PLCH2: variants seen among roughly 807,000 people sequenced by gnomAD.
PLCH2 encodes phospholipase C eta 2, also known as 1-phosphatidylinositol 4,5-bisphosphate phosphodiesterase eta-2.
A neutral mutation model predicts 134.7 loss-of-function variants in PLCH2; 98 were observed. That is an observed-to-expected ratio of 0.73 (90% confidence interval 0.62 to 0.86). The LOEUF is 0.86. PLCH2 is among the 40% of genes least tolerant of loss of function. The probability of loss-of-function intolerance (pLI) is 0.00; values close to 1 mark genes in which losing one functional copy is unlikely to be tolerated. For missense variants in PLCH2, 1,994 were observed against 1,986.6 expected, an observed-to-expected ratio of 1.00 and a Z score of -0.07; for synonymous variants, 974 against 827.5, an observed-to-expected ratio of 1.18 and a Z score of -3.04.
At chr1:2,443,998 C>G (rs1367447605) in intron 2 of PLCH2, among the ~76,000 whole-genome samples, 1 of 152,160 alleles carries the variant, frequency 6.6e-6, no homozygotes, top group Non-Finnish European at 1.5e-5. Context: ...GCCGCTGCGC[C>G]GCTGCCAACC....
chr1:2,504,567 C>A lies in PLCH2; in HGVS notation c.3605C>A (p.Ser1202Tyr), dbSNP rs763766868. 6.2e-7 allele frequency: 1 copy of A among 1,612,780 alleles called. No homozygotes were observed. Among genetic ancestry groups the A allele is most frequent in the Non-Finnish European group, 8.5e-7 (1 of 1,179,810 alleles). Residue 1202 changes from serine (S) to tyrosine (Y), a missense_variant, in exon 22 of 22, where the codon TCC becomes TAC. Physicochemically the swap from Ser to Tyr is moderately radical, Grantham distance 144. Around this residue, in one of 2 missense-constraint regions of PLCH2, gnomAD observed 900 missense variants for 752.3 expected, o/e 1.20. Coordinates refer to ENST00000378486, the MANE Select transcript of PLCH2 (RefSeq NM_014638.4). ...PDLPPVTKSK[S>Y]NPNLRATGQR... Reference sequence around the variant, plus strand: ...CTGCCACCTGTGACCAAGAGCAAATCCAACCCCAACCTTCGGGCTACAGGC... The same window carrying A: ...CTGCCACCTGTGACCAAGAGCAAATACAACCCCAACCTTCGGGCTACAGGC...
chr1:2,450,408 G>A (rs1570296606), intron 2 of PLCH2, among the ~76,000 whole-genome samples: 1 of 151,970 alleles, frequency 6.6e-6, no homozygotes, highest in African/African-American at 2.4e-5. Context: ...GGCCGTCTGG[G>A]ATGTTTCCCG....
chr1:2,443,316 G>C (rs1023557068), intron 2 of PLCH2, among the ~76,000 whole-genome samples: 2 of 152,148 alleles, frequency 1.3e-5, no homozygotes, highest in African/African-American at 4.8e-5. Flanking sequence ...AAATGGGGAA[G>C]GGATGGCCCA....
At position 2,484,567 on chromosome 1, in the gene PLCH2, G is replaced by A; in HGVS notation, c.765G>A (p.Lys255=). The A allele has an allele frequency of 6.2e-7, 1 of 1,613,078 alleles. No homozygotes were observed. The highest frequency in any genetic ancestry group is 8.5e-7 in the Non-Finnish European group (1 of 1,179,818). The change falls in exon 5 of 22, where the codon AAG becomes AAA. Residue 255 remains lysine (K), a synonymous_variant. Coordinates refer to ENST00000378486, the MANE Select transcript of PLCH2 (RefSeq NM_014638.4). ...TCATGCTGACCTACAGCAACCACAA[G>A]GACCACCTGGATGCCGCCAGCCTGC... ...YLLMLTYSNH[K]DHLDAASLQR...
At chr1:2,480,857 G>A (rs1570413844) in intron 4 of PLCH2, among the ~76,000 whole-genome samples, 8 of 152,368 alleles carry the variant, frequency 5.3e-5, no homozygotes, top group Admixed American at 4.6e-4. Flanking sequence ...GCTGGGCCGG[G>A]GGAGAGAAAC....
At chr1:2,459,506 TGGTGGTCCTCC>T (rs1640687669) in intron 2 of PLCH2, among the ~76,000 whole-genome samples, 3 of 76,026 alleles carry the variant, frequency 3.9e-5, no homozygotes, top group East Asian at 3.3e-4. Context: ...TCCTCCTTCC[TGGTGGTCCTCC>T]TTCCTGGTGG....
chr1:2,487,451 C>T lies in PLCH2; in HGVS notation c.1114+75C>T, dbSNP rs12239102. On this transcript the variant is annotated intron_variant, in intron 7 of 21. Transcript: ENST00000378486. ...AGATGGGCTGCACCTGAGGAGCCCC[C>T]GGGGGGATCTCTGGGCAGGGGCTGG... 1.5e-3 allele frequency: 2,233 copies of T among 1,478,376 alleles called. 32 individuals carry two copies. The African/African-American group carries it at 0.026, about 17-fold the overall frequency. The allele number at this position is 1,478,376 out of a possible 1,614,324, so 91.6% of individuals were successfully genotyped here.
intron 5 of PLCH2, among the ~76,000 whole-genome samples, chr1:2,485,694 T>C (rs1004181745): frequency 1.3e-5 from 2 of 152,002 alleles, no homozygotes; most frequent in African/African-American, 4.8e-5. Context: ...GGGGTGCTGC[T>C]TAGGGACCTC....
upstream of PLCH2, chr1:2,467,315 G>C (rs1280337350): frequency 2.7e-5 from 9 of 337,564 alleles, no homozygotes; most frequent in Non-Finnish European, 4.8e-5. Flanking sequence ...AGAGACCCCA[G>C]CCCAGGTGTC....
rs985677654 is a variant in PLCH2 at position 2,498,100 on chromosome 1, C to G, written c.2225-423C>G. ...GGGAGAGGGCAGGACAGGGGCTGGG[C>G]GAGCAGGCCTCCCACTAGACCAGGC... is the stretch of plus-strand genomic sequence containing the variant. On this transcript the variant is annotated intron_variant, in intron 16 of 21. Coordinates refer to ENST00000378486, the MANE Select transcript of PLCH2 (RefSeq NM_014638.4). This position sits in a 1 kb window ranked among gnomAD's most constrained non-coding sequence, Gnocchi z 5.4. The G allele has an allele frequency of 8.3e-6, 2 of 241,608 alleles. No individual in the cohort carries two copies. Among genetic ancestry groups the G allele is most frequent in the African/African-American group, 4.5e-5 (2 of 44,570 alleles). The allele number at this position is 241,608 out of a possible 1,614,324, so 15.0% of individuals were successfully genotyped here.
rs560431514 is a variant in PLCH2, at chr1:2,504,996, G to C, written c.4034G>C (p.Arg1345Pro). The part of the protein sequence containing the change: ...VRRSSSRSHS[R>P]VRAIASRARQ... ...CGCTCCTCCTCCCGCAGCCACAGCCGCGTGCGTGCCATTGCCAGCCGGGCC... is the reference window on the plus strand; with the variant it reads ...CGCTCCTCCTCCCGCAGCCACAGCCCCGTGCGTGCCATTGCCAGCCGGGCC... The change falls in exon 22 of 22, where the codon CGC becomes CCC. Residue 1345 changes from arginine (R) to proline (P), a missense_variant. Physicochemically the swap from Arg to Pro is moderately radical, Grantham distance 103. Coordinates refer to ENST00000378486, the MANE Select transcript of PLCH2 (RefSeq NM_014638.4). The C allele has an allele frequency of 4.2e-5, 65 of 1,547,266 alleles. No individual in the cohort carries two copies. The African/African-American group carries it at 8.6e-4, about 20-fold the overall frequency.
At position 2,434,408 on chromosome 1, in the gene PLCH2, G is replaced by T. The variant is rs75125706; in HGVS notation, c.115+3779G>T. ...GGCACCCACAGGGCCTCTGGCAGGG[G>T]CGTATTTCCCCCACGCACAGGTTCC... is the stretch of plus-strand genomic sequence containing the variant. On this transcript the variant is annotated intron_variant, in intron 2 of 3. Transcript: ENST00000609981. Among the ~76,000 whole-genome samples the T allele has an allele frequency of 3.3e-3, 508 of 152,364 alleles. 1 individual carries two copies. Among genetic ancestry groups the T allele is most frequent in the African/African-American group, 0.012 (480 of 41,588 alleles).
Position 2,484,067 on chromosome 1 carries a change from G to A in PLCH2, c.646-381G>A, listed in dbSNP as rs1432266265. Reference sequence around the variant, plus strand: ...TCCCGTGTGGGTGGCGTTGGCTCCCGTGTGGGGGGTGTTGACTGCTGTGTG... The same window carrying A: ...TCCCGTGTGGGTGGCGTTGGCTCCCATGTGGGGGGTGTTGACTGCTGTGTG... On this transcript the variant is annotated intron_variant, in intron 4 of 21. Coordinates refer to ENST00000378486, the MANE Select transcript of PLCH2 (RefSeq NM_014638.4). Among the ~76,000 whole-genome samples, 2 of 151,842 alleles carry A rather than the reference G, an allele frequency of 1.3e-5. 1 individual carries two copies. The highest frequency in any genetic ancestry group is 2.9e-5 in the Non-Finnish European group (2 of 67,914).
intron 15 of PLCH2, 30 bp from the exon 16 acceptor site, chr1:2,497,472 G>C (rs1570476439): frequency 6.7e-7 from 1 of 1,498,018 alleles, no homozygotes; most frequent in East Asian, 2.5e-5. Context: ...GTCAGGTGCT[G>C]ACCAGGGCAG....
rs1427940985 is a variant in PLCH2 at position 2,487,115 on chromosome 1, G to A, written c.911-58G>A. 2.0e-6 allele frequency: 3 copies of A among 1,512,084 alleles called. No individual in the cohort carries two copies. In the African/African-American group the frequency reaches 4.1e-5, roughly 21 times the overall value. The allele number at this position is 1,512,084 out of a possible 1,614,324, so 93.7% of individuals were successfully genotyped here. On this transcript the variant is annotated intron_variant, in intron 6 of 21. Coordinates refer to ENST00000378486, the MANE Select transcript of PLCH2 (RefSeq NM_014638.4). ...GTTCTGTGTGGCATGGGGGCAGGTG[G>A]TCATGAGACGAGGCTGGTGGTGGGC...
chr1:2,486,321 GCT>G (rs1642282740), intron 5 of PLCH2, among the ~76,000 whole-genome samples: 1 of 152,132 alleles, frequency 6.6e-6, no homozygotes, highest in South Asian at 2.1e-4. Flanking sequence ...CTGGCTCTGG[GCT>G]CCCCCACCTG....
intron 16 of PLCH2, 43 bp downstream of exon 16, chr1:2,497,652 G>A: frequency 5.3e-6 from 7 of 1,325,926 alleles, no homozygotes; most frequent in Non-Finnish European, 7.4e-6. Context: ...TCAGGGCTCG[G>A]ATGGGCCTCC....
Position 2,505,239 on chromosome 1 carries a change from C to T in PLCH2, c.*26C>T. ...CCGTCAGTGGTGGGAACCTGGGCGG[C>T]TCTGGAGGCCCAGGGCAGGGGTGGG... is the stretch of plus-strand genomic sequence containing the variant. On this transcript the variant is annotated 3_prime_UTR_variant, in exon 22 of 22. Coordinates refer to ENST00000378486, the MANE Select transcript of PLCH2 (RefSeq NM_014638.4). 2.0e-6 allele frequency: 3 copies of T among 1,529,986 alleles called. No homozygotes were observed. Among genetic ancestry groups the T allele is most frequent in the Non-Finnish European group, 2.6e-6 (3 of 1,140,452 alleles). 94.8% of individuals were successfully genotyped at this position (1,529,986 alleles called of 1,614,324 possible). A position where few individuals can be genotyped will look rare whatever the true frequency, so the allele number is the denominator to read the frequency against.
In PLCH2 at chr1:2,504,375, GCCA is replaced by G. The variant is rs776138573; in HGVS notation, c.3416_3418del (p.His1139del). ...CTGTGGCAGCGGCTGGAGCCATGTG[GCCA>G]CCGAGACAGCGTTTCCTCCTCCTCC... On this transcript the variant is annotated inframe_deletion, in exon 22 of 22. Transcript: ENST00000378486. 21 of 1,611,726 alleles carry G rather than the reference GCCA, an allele frequency of 1.3e-5. No individual in the cohort carries two copies. Among genetic ancestry groups the G allele is most frequent in the South Asian group, 5.5e-5 (5 of 91,082 alleles).
Sources: allele counts gnomAD v4.1 joint callset (sites outside exome capture counted in the v4.1 genomes callset), GRCh38; gene constraint gnomAD v4.1.1; regional missense constraint gnomAD v4.1.1; non-coding constraint Gnocchi (gnomAD v3.1); transcripts MANE v1.5; gene names NCBI Gene and HGNC (gene_info 2026-07-23, HGNC 2026-07-21).